Variants in CTNND2 observed in about 807,000 individuals in gnomAD.
CTNND2 encodes the protein catenin delta 2.
A neutral mutation model predicts 144.4 loss-of-function variants in CTNND2; 22 were observed. That is an observed-to-expected ratio of 0.15 (90% CI 0.11 to 0.22). CTNND2 has a LOEUF of 0.22. Among genes scored for constraint, CTNND2 ranks in the 10% least tolerant of loss-of-function variants. The pLI is 1.00. For synonymous variants in CTNND2, 751 were observed against 695.6 expected (o/e 1.08, Z -1.25); for missense variants, 1,353 against 1,618.8 (o/e 0.84, Z 2.82).
At chr5:11,810,453 C>T (rs766683539) in intron 1 of CTNND2, among the ~76,000 whole-genome samples, 1 of 141,050 alleles carries the variant, frequency 7.1e-6, no homozygotes, top group Non-Finnish European at 1.5e-5. Context: ...AAACATTGAA[C>T]CATTGCCTCA....
intron 2 of CTNND2, among the ~76,000 whole-genome samples, chr5:11,666,216 A>T (rs1783562752): frequency 6.6e-6 from 1 of 152,184 alleles, no homozygotes; most frequent in African/African-American, 2.4e-5. Context: ...CTGGAGAAAG[A>T]GGTAATTCGA....
chr5:11,139,767 C>G (rs775818313), intron 12 of CTNND2, among the ~76,000 whole-genome samples: 2 of 152,240 alleles, frequency 1.3e-5, no homozygotes, highest in Non-Finnish European at 2.9e-5. Flanking sequence ...GGGGCATAAA[C>G]TGCCGATTTA....
chr5:11,279,499 A>G lies in CTNND2; in HGVS notation c.1629-42676T>C, dbSNP rs148937566. Among the ~76,000 whole-genome samples the G allele has an allele frequency of 1.7e-3, 259 of 152,096 alleles. 2 individuals are homozygous for G. Among genetic ancestry groups the G allele is most frequent in the Admixed American group, 0.015 (235 of 15,280 alleles). On this transcript the variant is annotated intron_variant, in intron 9 of 21. Coordinates refer to ENST00000304623, the MANE Select transcript of CTNND2 (RefSeq NM_001332.4). The stretch of plus-strand genomic sequence containing the variant: ...CTCCCAATTGGTCTTCCTGCTTCTG[A>G]TCTTACCCCCTGGAGTATACTTTCA...
At chr5:11,487,444 C>G (rs573027603) in intron 3 of CTNND2, among the ~76,000 whole-genome samples, 1 of 151,970 alleles carries the variant, frequency 6.6e-6, no homozygotes, top group African/African-American at 2.4e-5. Context: ...GTAGAGTTTA[C>G]GTCTTGTAGG....
At chr5:11,387,321 G>A (rs1759194471) in intron 6 of CTNND2, among the ~76,000 whole-genome samples, 1 of 152,052 alleles carries the variant, frequency 6.6e-6, no homozygotes, top group African/African-American at 2.4e-5. Flanking sequence ...TGGGGGAGGG[G>A]CTGAGGGATC....
At chr5:11,393,520 T>C (rs1239974939) in intron 6 of CTNND2, among the ~76,000 whole-genome samples, 2 of 152,210 alleles carry the variant, frequency 1.3e-5, no homozygotes, top group Non-Finnish European at 1.5e-5. Context: ...GGTTTTTGGC[T>C]CCTCTTTGCC....
chr5:11,012,676 G>A (rs933215823), intron 18 of CTNND2, among the ~76,000 whole-genome samples: 1 of 152,198 alleles, frequency 6.6e-6, no homozygotes, highest in Non-Finnish European at 1.5e-5. Flanking sequence ...CATGCTGCTG[G>A]TAAGTGGCAG....
intron 1 of CTNND2, among the ~76,000 whole-genome samples, chr5:11,753,903 C>G (rs533422332): frequency 2.0e-5 from 3 of 151,454 alleles, no homozygotes; most frequent in South Asian, 4.2e-4. Context: ...CCTTGGGAGA[C>G]TGTATGTTTC....
At chr5:11,399,093 G>C (rs1760400832) in intron 5 of CTNND2, among the ~76,000 whole-genome samples, 1 of 152,192 alleles carries the variant, frequency 6.6e-6, no homozygotes, top group Non-Finnish European at 1.5e-5. Flanking sequence ...GTGGGAGTGA[G>C]CTATGGTGGA....
In CTNND2 at chr5:11,707,169, C is replaced by T. The variant is rs548113536; in HGVS notation, c.174+24967G>A. Among the ~76,000 whole-genome samples, 10 of 152,082 alleles carry T rather than the reference C, an allele frequency of 6.6e-5. No individual in the cohort carries two copies. The East Asian group carries it at 1.9e-3, about 30-fold the overall frequency. On this transcript the variant is annotated intron_variant, in intron 2 of 21. Coordinates refer to ENST00000304623, the MANE Select transcript of CTNND2 (RefSeq NM_001332.4). ...GTGTGACTGCAGAAACACAGCACTT[C>T]TGAGATTTGCACAAATTGTTATATG...
At chr5:11,691,117 A>G (rs1784888436) in intron 2 of CTNND2, among the ~76,000 whole-genome samples, 1 of 152,134 alleles carries the variant, frequency 6.6e-6, no homozygotes, top group African/African-American at 2.4e-5. Flanking sequence ...CACACCTGTA[A>G]TCCCAGCACT....
chr5:11,171,749 A>T (rs779596765), intron 11 of CTNND2, among the ~76,000 whole-genome samples: 6 of 152,160 alleles, frequency 3.9e-5, no homozygotes, highest in Admixed American at 6.5e-5. Flanking sequence ...GTGAAAAGTC[A>T]CCATGGGAGG....
rs185196924 is a variant in CTNND2 at position 11,665,513 on chromosome 5, T to C, written c.174+66623A>G. ...TTAGGGATTTCACTTGAGGAGAAAA[T>C]AGACTAAGTGACACAAGGATTTTCT... is the stretch of plus-strand genomic sequence containing the variant. On this transcript the variant is annotated intron_variant, in intron 2 of 21. Coordinates refer to ENST00000304623, the MANE Select transcript of CTNND2 (RefSeq NM_001332.4). 1.3e-3 allele frequency among the ~76,000 whole-genome samples: 193 copies of C among 152,276 alleles called. 1 individual carries two copies. Among genetic ancestry groups the C allele is most frequent in the African/African-American group, 4.5e-3 (188 of 41,554 alleles).
chr5:11,664,290 C>T (rs951369451), intron 2 of CTNND2, among the ~76,000 whole-genome samples: 10 of 152,066 alleles, frequency 6.6e-5, no homozygotes, highest in South Asian at 2.1e-4. Flanking sequence ...TGTATTAAGA[C>T]GACTTAAAAA....
chr5:11,565,613 A>G (rs1218152213), intron 2 of CTNND2, among the ~76,000 whole-genome samples: 2 of 152,210 alleles, frequency 1.3e-5, no homozygotes, highest in Non-Finnish European at 2.9e-5. Flanking sequence ...AATGATACCA[A>G]TTCTACACAG....
At chr5:11,638,707 G>A (rs1458967107) in intron 2 of CTNND2, among the ~76,000 whole-genome samples, 1 of 152,040 alleles carries the variant, frequency 6.6e-6, no homozygotes, top group African/African-American at 2.4e-5. Context: ...CCCAGTAGCT[G>A]GAACTACAGG....
intron 1 of CTNND2, among the ~76,000 whole-genome samples, chr5:11,813,979 T>C (rs1792490876): frequency 6.6e-6 from 1 of 152,220 alleles, no homozygotes; most frequent in East Asian, 1.9e-4. Context: ...GCATAATCTA[T>C]TACAACTACC....
intron 2 of CTNND2, among the ~76,000 whole-genome samples, chr5:11,569,806 T>C (rs997661760): frequency 4.6e-5 from 7 of 152,188 alleles, no homozygotes; most frequent in Non-Finnish European, 7.3e-5. Flanking sequence ...GTTGAAATGC[T>C]ATCCCTCAAG....
At chr5:11,180,215 C>G (rs183785198) in intron 11 of CTNND2, among the ~76,000 whole-genome samples, 1 of 152,086 alleles carries the variant, frequency 6.6e-6, no homozygotes, top group Non-Finnish European at 1.5e-5. Flanking sequence ...TGGGGCACTT[C>G]CCCCGCATCG....
Sources: gnomAD v4.1 joint callset for allele counts (sites outside exome capture counted in the v4.1 genomes callset) on GRCh38, gnomAD v4.1.1 for gene constraint, MANE v1.5 for transcripts, NCBI Gene and HGNC (gene_info 2026-07-23, HGNC 2026-07-21) for gene names.